DIP2C: variants seen among roughly 807,000 people sequenced by gnomAD.
DIP2C encodes the protein DIP2 acetate--CoA ligase C (putative).
DIP2C carries 33 observed loss-of-function variants against 192.4 expected under a neutral mutation model. The ratio of observed to expected loss-of-function variants is 0.17; its 90% CI spans 0.13 to 0.23. DIP2C has a LOEUF of 0.23. DIP2C is among the 10% of genes least tolerant of loss of function. The pLI, the probability that DIP2C is intolerant of heterozygous loss-of-function variation, is 1.00. For missense variants in DIP2C, 1,537 were observed against 2,110.1 expected, an observed-to-expected ratio of 0.73 and a Z score of 5.32; for synonymous variants, 979 against 864.1, an observed-to-expected ratio of 1.13 and a Z score of -2.33.
intron 29 of DIP2C, among the ~76,000 whole-genome samples, chr10:332,069 C>G (rs890133519): frequency 6.6e-6 from 1 of 152,094 alleles, no homozygotes; most frequent in South Asian, 2.1e-4. Context: ...GCACGTACCA[C>G]CATGACTGGG....
In DIP2C at chr10:472,788, ACT is replaced by A. The variant is rs1283512161; in HGVS notation, c.158-241_158-240del. 3.9e-5 allele frequency among the ~76,000 whole-genome samples: 6 copies of A among 152,178 alleles called. No individual in the cohort carries two copies. In the East Asian group the frequency reaches 1.2e-3, roughly 29 times the overall value. On this transcript the variant is annotated intron_variant, in intron 2 of 36. Coordinates refer to ENST00000280886, the MANE Select transcript of DIP2C (RefSeq NM_014974.3). ...GGTCCCTTTCACAGCACAAAGGTCC[ACT>A]GACAGGCAGGGAGAGACACAAACTC...
At chr10:347,313 A>G (rs1589560301) in intron 26 of DIP2C, among the ~76,000 whole-genome samples, 1 of 103,804 alleles carries the variant, frequency 9.6e-6, no homozygotes, top group East Asian at 3.6e-4. Flanking sequence ...CACCCAACCC[A>G]GACATATCGC....
intron 1 of DIP2C, among the ~76,000 whole-genome samples, chr10:621,053 G>A (rs527344451): frequency 6.6e-6 from 1 of 152,304 alleles, no homozygotes; most frequent in Admixed American, 6.5e-5. Context: ...CCAAGTACCT[G>A]GAGAGGAAGA....
At chr10:281,150 TCA>T in intron 36 of DIP2C, 48 bp downstream of exon 36, 1 of 1,603,006 alleles carries the variant, frequency 6.2e-7, no homozygotes, top group Non-Finnish European at 8.5e-7. Context: ...TCTCAATGCT[TCA>T]CAAACTCTGC....
Position 417,036 on chromosome 10 carries a change from CA to C in DIP2C, c.740-1149del, listed in dbSNP as rs199855603. The stretch of plus-strand genomic sequence containing the variant: ...CTCTATAGCACTTTAAGAATTGAGA[CA>C]TTAAATATTTCATATCTCTGAAAAT... On this transcript the variant is annotated intron_variant, in intron 6 of 36. Coordinates refer to ENST00000280886, the MANE Select transcript of DIP2C (RefSeq NM_014974.3). Among the ~76,000 whole-genome samples the C allele has an allele frequency of 1.6e-4, 24 of 152,326 alleles. No homozygotes were observed. In the East Asian group the frequency reaches 4.4e-3, roughly 28 times the overall value.
intron 1 of DIP2C, among the ~76,000 whole-genome samples, chr10:509,082 G>A (rs534778980): frequency 9.9e-5 from 15 of 152,252 alleles, no homozygotes; most frequent in East Asian, 3.9e-4. Context: ...GTGGACAGAC[G>A]AGCAGGCCCA....
At chr10:535,115 G>C (rs544442181) in intron 1 of DIP2C, among the ~76,000 whole-genome samples, 15 of 152,160 alleles carry the variant, frequency 9.9e-5, no homozygotes, top group Non-Finnish European at 1.8e-4. Context: ...CAGCACCCGG[G>C]TTTGCAGGAT....
Position 363,395 on chromosome 10 carries a change from C to CACTAG in DIP2C, c.2478-89_2478-85dup. 3 of 1,168,240 alleles carry CACTAG rather than the reference C, an allele frequency of 2.6e-6. No individual in the cohort carries two copies. The highest frequency in any genetic ancestry group is 3.7e-6 in the Non-Finnish European group (3 of 803,824). 72.4% of individuals were successfully genotyped at this position (1,168,240 alleles called of 1,614,324 possible). A position where few individuals can be genotyped will look rare whatever the true frequency, so the allele number is the denominator to read the frequency against. The stretch of plus-strand genomic sequence containing the variant: ...CCGCCATCAGGGGCTCCATAACCAT[C>CACTAG]ACTAGTGAGTGACACAGCTCCAACT... On this transcript the variant is annotated intron_variant, in intron 20 of 36. Transcript: ENST00000280886. The surrounding 1 kb of genome is among the most constrained non-coding windows in gnomAD (Gnocchi z 5.4).
At chr10:408,419 A>G (rs1302364324) in intron 9 of DIP2C, among the ~76,000 whole-genome samples, 2 of 152,236 alleles carry the variant, frequency 1.3e-5, no homozygotes, top group African/African-American at 4.8e-5. Context: ...CGTGTTCAAT[A>G]AAAAATGGGA....
chr10:542,201 T>G (rs7071903), intron 1 of DIP2C, among the ~76,000 whole-genome samples: 40,565 of 152,114 alleles, frequency 0.27, 7,140 homozygotes, highest in African/African-American at 0.5. Context: ...GAGCTCCTTC[T>G]GCTCCCTGCC....
intron 1 of DIP2C, among the ~76,000 whole-genome samples, chr10:512,922 GAAA>G (rs60269783): frequency 2.0e-4 from 18 of 92,204 alleles, no homozygotes; most frequent in South Asian, 4.4e-4. Context: ...CCCACTTCAG[GAAA>G]AAAAAAAAAA....
chr10:373,498 G>T (rs557385356), intron 17 of DIP2C, among the ~76,000 whole-genome samples: 2 of 152,154 alleles, frequency 1.3e-5, no homozygotes, highest in Admixed American at 1.3e-4. Context: ...GAGAAGCTGC[G>T]GCAGGGCTTG....
intron 1 of DIP2C, among the ~76,000 whole-genome samples, chr10:613,981 A>AGG (rs1853272406): frequency 6.6e-6 from 1 of 152,166 alleles, no homozygotes; most frequent in Non-Finnish European, 1.5e-5. Context: ...ACCCACATAC[A>AGG]GGACCAGGAA....
intron 1 of DIP2C, among the ~76,000 whole-genome samples, chr10:498,427 G>A (rs563079178): frequency 3.3e-5 from 5 of 152,126 alleles, no homozygotes; most frequent in South Asian, 2.1e-4. Context: ...TCAGCAGTCC[G>A]GGCCACAGAA....
chr10:415,569 C>T (rs562050796), intron 7 of DIP2C, among the ~76,000 whole-genome samples, 200 bp downstream of exon 7: 25 of 152,268 alleles, frequency 1.6e-4, no homozygotes, highest in South Asian at 8.3e-4. Flanking sequence ...CCACAGAGGA[C>T]GACTAACAAC....
chr10:520,710 C>G (rs568669794), intron 1 of DIP2C, among the ~76,000 whole-genome samples: 121 of 152,358 alleles, frequency 7.9e-4, no homozygotes, highest in African/African-American at 2.7e-3. Flanking sequence ...TGTCAACCAT[C>G]TGCTGCCAAA....
At chr10:567,534 A>AT (rs1209428829) in intron 1 of DIP2C, among the ~76,000 whole-genome samples, 2 of 152,174 alleles carry the variant, frequency 1.3e-5, no homozygotes, top group African/African-American at 2.4e-5. Flanking sequence ...TGGGCTGTTG[A>AT]TTCTCTTAAT....
At chr10:540,881 G>A (rs1398271557) in intron 1 of DIP2C, among the ~76,000 whole-genome samples, 4 of 152,236 alleles carry the variant, frequency 2.6e-5, no homozygotes, top group Admixed American at 2.6e-4. Flanking sequence ...TTATAGTAAA[G>A]TAGCTGGAAA....
At chr10:486,552 G>A (rs774292839) in intron 1 of DIP2C, 22 bp from the exon 2 acceptor site, 7 of 1,594,018 alleles carry the variant, frequency 4.4e-6, no homozygotes, top group Non-Finnish European at 2.6e-6. Flanking sequence ...GGAAAATGAA[G>A]TTCAGTATGG....
Sources: gnomAD v4.1 joint callset for allele counts (sites outside exome capture counted in the v4.1 genomes callset) on GRCh38, gnomAD v4.1.1 for gene constraint, Gnocchi (gnomAD v3.1) non-coding constraint, MANE v1.5 for transcripts, NCBI Gene and HGNC (gene_info 2026-07-23, HGNC 2026-07-21) for gene names.